AGAP1: variants seen among roughly 807,000 people sequenced by gnomAD.
The protein encoded by AGAP1 is arf-GAP with GTPase, ANK repeat and PH domain-containing protein 1.
In AGAP1, 29 loss-of-function variants were observed where a neutral mutation model predicts 105.3. The ratio of observed to expected loss-of-function variants is 0.28; its 90% CI spans 0.21 to 0.38. The LOEUF is 0.38. AGAP1 is among the 10% of genes least tolerant of loss of function. The pLI, the probability that AGAP1 is intolerant of heterozygous loss-of-function variation, is 1.00. For synonymous variants in AGAP1, 509 were observed against 485.9 expected, an observed-to-expected ratio of 1.05 and a Z score of -0.63; for missense variants, 998 against 1,165.1, an observed-to-expected ratio of 0.86 and a Z score of 2.09.
At chr2:235,880,083 C>CTTTTTTTTTTTTT (rs35633339) in intron 9 of AGAP1, among the ~76,000 whole-genome samples, 1 of 138,890 alleles carries the variant, frequency 7.2e-6, no homozygotes, top group Admixed American at 7.2e-5. Context: ...GCACTCTGGC[C>CTTTTTTTTTTTTT]TTTTTTTTTT....
intron 2 of AGAP1, among the ~76,000 whole-genome samples, chr2:235,713,957 A>G (rs1248040895): frequency 1.3e-5 from 2 of 152,084 alleles, no homozygotes; most frequent in South Asian, 2.1e-4. Flanking sequence ...CAACTGCCAC[A>G]CCTCGTAATA....
chr2:236,030,613 C>T (rs1324114404), intron 13 of AGAP1, among the ~76,000 whole-genome samples: 1 of 152,156 alleles, frequency 6.6e-6, no homozygotes, highest in Non-Finnish European at 1.5e-5. Flanking sequence ...ACTTTAGGCT[C>T]ACAATTCTAG....
In AGAP1 at chr2:236,090,192, G is replaced by A. The variant is rs1331563253; in HGVS notation, c.2115-30000G>A. Among the ~76,000 whole-genome samples the A allele has an allele frequency of 6.6e-6, 1 of 152,212 alleles. No individual in the cohort carries two copies. The highest frequency in any genetic ancestry group is 1.5e-5 in the Non-Finnish European group (1 of 68,040). ...GGCTCCAGCTGCACAGGCTGGGGAT[G>A]GGCTGGGTAGAAATGGCAGTTTTGT... On this transcript the variant is annotated intron_variant, in intron 16 of 17. Transcript: ENST00000304032. This position sits in a 1 kb window ranked among gnomAD's most constrained non-coding sequence, Gnocchi z 4.3.
At chr2:235,502,187 G>A (rs1214951704) in intron 1 of AGAP1, among the ~76,000 whole-genome samples, 1 of 152,042 alleles carries the variant, frequency 6.6e-6, no homozygotes, top group Admixed American at 6.6e-5. Flanking sequence ...TATCTTCCAG[G>A]GCTTTTCTGG....
intron 1 of AGAP1, among the ~76,000 whole-genome samples, chr2:235,532,645 G>T (rs1943082750): frequency 6.6e-6 from 1 of 152,100 alleles, no homozygotes; most frequent in Admixed American, 6.5e-5. Context: ...TTTAATCATG[G>T]ATGTATTGAG....
At chr2:235,651,223 A>AC (rs1321442830) in intron 1 of AGAP1, among the ~76,000 whole-genome samples, 1 of 137,090 alleles carries the variant, frequency 7.3e-6, no homozygotes, top group East Asian at 2.4e-4. Flanking sequence ...AAAAAGAGAC[A>AC]CCCTTGCAGG....
intron 9 of AGAP1, among the ~76,000 whole-genome samples, chr2:235,833,956 G>GT (rs1394210161): frequency 1.9e-5 from 2 of 105,480 alleles, no homozygotes; most frequent in African/African-American, 9.3e-5. Flanking sequence ...CATTTTTTTT[G>GT]TAAAAAAAAA....
chr2:235,588,494 C>T (rs1945208246), intron 1 of AGAP1, among the ~76,000 whole-genome samples: 1 of 152,080 alleles, frequency 6.6e-6, no homozygotes, highest in African/African-American at 2.4e-5. Flanking sequence ...CTGCTACACC[C>T]TGGTCATATC....
chr2:236,107,829 G>A (rs1046452261), intron 16 of AGAP1, among the ~76,000 whole-genome samples: 7 of 152,194 alleles, frequency 4.6e-5, no homozygotes, highest in Non-Finnish European at 8.8e-5. Flanking sequence ...CCATACCTGC[G>A]GCCGGGCACA....
At chr2:235,707,782 T>G (rs1256888555) in intron 1 of AGAP1, among the ~76,000 whole-genome samples, 1 of 140,622 alleles carries the variant, frequency 7.1e-6, no homozygotes, top group Non-Finnish European at 1.5e-5. Flanking sequence ...ATGTGCTCCC[T>G]CCCCAGCGTG....
Position 235,690,905 on chromosome 2 carries a change from C to T in AGAP1, c.164-18274C>T, listed in dbSNP as rs115967471. Among the ~76,000 whole-genome samples the T allele has an allele frequency of 3.3e-3, 497 of 152,222 alleles. No individual in the cohort carries two copies. Among genetic ancestry groups the T allele is most frequent in the Non-Finnish European group, 4.7e-3 (323 of 68,020 alleles). ...TCTAAATCCAGCCATATAAATACTTCGGATCTGGCCTGAGGGTTTGGCAGG... is the reference window on the plus strand; with the variant it reads ...TCTAAATCCAGCCATATAAATACTTTGGATCTGGCCTGAGGGTTTGGCAGG... On this transcript the variant is annotated intron_variant, in intron 1 of 17. Coordinates refer to ENST00000304032, the MANE Select transcript of AGAP1 (RefSeq NM_001037131.3). The surrounding 1 kb of genome is among the most constrained non-coding windows in gnomAD (Gnocchi z 4.1).
At chr2:235,975,515 A>T (rs993738532) in intron 13 of AGAP1, among the ~76,000 whole-genome samples, 27 of 152,140 alleles carry the variant, frequency 1.8e-4, no homozygotes, top group African/African-American at 6.3e-4. Context: ...TTAGAATATA[A>T]CAAGGTTGTA....
At position 235,660,008 on chromosome 2, in the gene AGAP1, G is replaced by T. The variant is rs181914768; in HGVS notation, c.164-49171G>T. Among the ~76,000 whole-genome samples, 2 of 152,332 alleles carry T rather than the reference G, an allele frequency of 1.3e-5. No homozygotes were observed. Among genetic ancestry groups the T allele is most frequent in the Admixed American group, 1.3e-4 (2 of 15,304 alleles). ...GGCTGTAGACCCCTCTGTCTGACCA[G>T]CATCCCATTCCCTGAAGTGAAGCAG... On this transcript the variant is annotated intron_variant, in intron 1 of 17. Transcript: ENST00000304032. The surrounding 1 kb of genome is among the most constrained non-coding windows in gnomAD (Gnocchi z 5.3).
chr2:235,707,359 T>C (rs1212411592), intron 1 of AGAP1, among the ~76,000 whole-genome samples: 1 of 151,840 alleles, frequency 6.6e-6, no homozygotes. Flanking sequence ...TGTCCTTTCC[T>C]GGAGCAGGGA....
In AGAP1 at chr2:235,824,550, T is replaced by C. The variant is rs1213739474; in HGVS notation, c.1050+17219T>C. On this transcript the variant is annotated intron_variant, in intron 9 of 17. Transcript: ENST00000304032. The surrounding 1 kb of genome is among the most constrained non-coding windows in gnomAD (Gnocchi z 5.2). ...TTGAGATGCTTATTGCAGGAGAAAT[T>C]AAAGATACAATTTTGTGCTAAGAGG... Among the ~76,000 whole-genome samples the C allele has an allele frequency of 6.6e-6, 1 of 152,218 alleles. No individual in the cohort carries two copies. Among genetic ancestry groups the C allele is most frequent in the Non-Finnish European group, 1.5e-5 (1 of 68,040 alleles).
intron 16 of AGAP1, among the ~76,000 whole-genome samples, chr2:236,115,619 A>T (rs1203041043): frequency 6.6e-6 from 1 of 152,118 alleles, no homozygotes; most frequent in Admixed American, 6.5e-5. Flanking sequence ...AGCACCAAAA[A>T]ACCCAGTGCC....
At chr2:235,996,812 T>C (rs2055836120) in intron 13 of AGAP1, among the ~76,000 whole-genome samples, 1 of 152,254 alleles carries the variant, frequency 6.6e-6, no homozygotes, top group African/African-American at 2.4e-5. Context: ...TGCCAAATTG[T>C]GCTCATCAAA....
At chr2:236,060,135 C>T (rs2058151909) in intron 16 of AGAP1, among the ~76,000 whole-genome samples, 1 of 152,090 alleles carries the variant, frequency 6.6e-6, no homozygotes, top group Admixed American at 6.6e-5. Flanking sequence ...TGATCAAAGC[C>T]TTGAGTGCAA....
chr2:235,985,495 T>G (rs978585485), intron 13 of AGAP1, among the ~76,000 whole-genome samples: 4 of 152,206 alleles, frequency 2.6e-5, no homozygotes, highest in Non-Finnish European at 5.9e-5. Flanking sequence ...TGCAATTGCT[T>G]TTGGCATTTT....
Sources: gnomAD v4.1 joint callset for allele counts (sites outside exome capture counted in the v4.1 genomes callset) on GRCh38, gnomAD v4.1.1 for gene constraint, Gnocchi (gnomAD v3.1) non-coding constraint, MANE v1.5 for transcripts, NCBI Gene and HGNC (gene_info 2026-07-23, HGNC 2026-07-21) for gene names.